KSR2: variants seen among roughly 807,000 people sequenced by gnomAD.
KSR2 encodes the protein kinase suppressor of ras 2.
A neutral mutation model predicts 107.8 loss-of-function variants in KSR2; 25 were observed. That is an observed-to-expected ratio of 0.23 (90% CI 0.17 to 0.32). The LOEUF (loss-of-function observed/expected upper bound fraction) is 0.32. KSR2 is among the 10% of genes least tolerant of loss of function. The pLI is 1.00. For synonymous variants in KSR2, 480 were observed against 507.0 expected, an observed-to-expected ratio of 0.95 and a Z score of 0.71; for missense variants, 887 against 1,268.9, an observed-to-expected ratio of 0.70 and a Z score of 4.57.
intron 5 of KSR2, among the ~76,000 whole-genome samples, chr12:117,619,496 A>G (rs147315664): frequency 6.6e-6 from 1 of 152,014 alleles, no homozygotes; most frequent in Non-Finnish European, 1.5e-5. Flanking sequence ...TTTGCTGAGA[A>G]TGATGGCTTC....
intron 4 of KSR2, among the ~76,000 whole-genome samples, chr12:117,731,538 C>T (rs1273212448): frequency 1.3e-5 from 2 of 152,216 alleles, no homozygotes; most frequent in Non-Finnish European, 2.9e-5. Context: ...GGGAGGGGTA[C>T]CCAACAGCTC....
chr12:117,756,406 C>A (rs556331092), intron 4 of KSR2, among the ~76,000 whole-genome samples: 9 of 152,290 alleles, frequency 5.9e-5, no homozygotes, highest in African/African-American at 1.9e-4. Flanking sequence ...TACGCTAAAT[C>A]TACTCTGCCC....
chr12:117,940,573 T>C (rs757670066), intron 1 of KSR2, among the ~76,000 whole-genome samples: 1 of 152,194 alleles, frequency 6.6e-6, no homozygotes. Context: ...TTCACAAACA[T>C]AATGTATAAA....
At chr12:117,547,172 A>T (rs1565894463) in intron 9 of KSR2, among the ~76,000 whole-genome samples, 1 of 152,182 alleles carries the variant, frequency 6.6e-6, no homozygotes, top group South Asian at 2.1e-4. Context: ...AAGGGGAGGT[A>T]CTGCCTTGCT....
intron 4 of KSR2, among the ~76,000 whole-genome samples, chr12:117,695,689 C>T (rs544411259): frequency 1.7e-4 from 25 of 145,928 alleles, no homozygotes; most frequent in African/African-American, 3.8e-4. Flanking sequence ...CCAGCCTGGG[C>T]GACAAAGTGA....
At chr12:117,780,917 C>T (rs986421540) in intron 3 of KSR2, among the ~76,000 whole-genome samples, 1 of 152,142 alleles carries the variant, frequency 6.6e-6, no homozygotes, top group Non-Finnish European at 1.5e-5. Context: ...CTGAGGGTTA[C>T]GGAGAGGTTT....
intron 3 of KSR2, among the ~76,000 whole-genome samples, chr12:117,848,850 A>AACAACGG (rs1555249552): frequency 2.3e-5 from 2 of 87,044 alleles, no homozygotes; most frequent in Non-Finnish European, 6.1e-5. Flanking sequence ...GGTGATGGTG[A>AACAACGG]TGATGGTGAT....
At chr12:117,844,990 G>C (rs976484950) in intron 3 of KSR2, among the ~76,000 whole-genome samples, 1 of 152,010 alleles carries the variant, frequency 6.6e-6, no homozygotes, top group Non-Finnish European at 1.5e-5. Context: ...ACTAAAAATA[G>C]AAAAAATTAG....
At chr12:117,931,258 C>T (rs1024035481) in intron 1 of KSR2, among the ~76,000 whole-genome samples, 4 of 152,142 alleles carry the variant, frequency 2.6e-5, no homozygotes, top group Non-Finnish European at 4.4e-5. Flanking sequence ...GCCCAGTCCA[C>T]GCCCTGTTCC....
chr12:117,694,232 A>G (rs902300296), intron 4 of KSR2, among the ~76,000 whole-genome samples: 4 of 152,204 alleles, frequency 2.6e-5, no homozygotes, highest in African/African-American at 9.6e-5. Context: ...TAATCCCCAC[A>G]GGTCAAGGGC....
intron 1 of KSR2, among the ~76,000 whole-genome samples, chr12:117,901,927 A>T (rs1243267835): frequency 6.6e-6 from 1 of 152,192 alleles, no homozygotes; most frequent in Non-Finnish European, 1.5e-5. Flanking sequence ...ATATTTTAAT[A>T]GGTATACAGA....
At chr12:117,901,360 T>C (rs1894679296) in intron 1 of KSR2, among the ~76,000 whole-genome samples, 1 of 151,636 alleles carries the variant, frequency 6.6e-6, no homozygotes, top group Non-Finnish European at 1.5e-5. Context: ...CGGAGTGCAG[T>C]GGTGCAATCT....
rs1013931785 is a variant in KSR2, at chr12:117,761,305, G to A, written c.692C>T (p.Ala231Val). ...CGGGGGCGGGCACAAGCCCGGGTAG[G>A]CGTCCACGGTAAGCCTGTCCACGTG... ...YTHVDRLTVD[A>V]YPGLCPPPPL... Residue 231 changes from alanine (A) to valine (V), a missense_variant, in exon 4 of 20, where the codon GCC (alanine) becomes GTC (valine). Around this residue, in one of 8 missense-constraint regions of KSR2, gnomAD observed 399 missense variants for 479.5 expected, o/e 0.83. Transcript: ENST00000339824. 1 of 1,525,260 alleles carries A rather than the reference G, an allele frequency of 6.6e-7. No homozygotes were observed. The highest frequency in any genetic ancestry group is 1.4e-5 in the African/African-American group (1 of 71,820). The allele number at this position is 1,525,260 out of a possible 1,614,324, so 94.5% of individuals were successfully genotyped here.
At chr12:117,699,116 C>T (rs1886198297) in intron 4 of KSR2, among the ~76,000 whole-genome samples, 1 of 152,164 alleles carries the variant, frequency 6.6e-6, no homozygotes, top group South Asian at 2.1e-4. Flanking sequence ...GGTTTATGTG[C>T]CTTTTGTCTA....
chr12:117,455,651 A>G lies in KSR2; in HGVS notation c.*11548T>C, dbSNP rs2137086383. ...TAACAAATATTTACTAAATGACTAT[A>G]TAAAATGAAGATTTGGGGAATGAAG... On this transcript the variant is annotated 3_prime_UTR_variant, in exon 20 of 20. Transcript: ENST00000339824. 6.6e-6 allele frequency: 1 copy of G among 152,382 alleles called. No homozygotes were observed. The highest frequency in any genetic ancestry group is 3.4e-3 in the Middle Eastern group (1 of 294). The allele number at this position is 152,382 out of a possible 1,614,324, so 9.4% of individuals were successfully genotyped here.
At chr12:117,895,703 A>G (rs1037512142) in intron 1 of KSR2, among the ~76,000 whole-genome samples, 1 of 152,234 alleles carries the variant, frequency 6.6e-6, no homozygotes, top group Non-Finnish European at 1.5e-5. Flanking sequence ...TAGAGTTATC[A>G]TATGACCTAG....
At position 117,855,556 on chromosome 12, in the gene KSR2, C is replaced by G; in HGVS notation, c.344G>C (p.Ser115Thr). The G allele has an allele frequency of 1.2e-6, 2 of 1,614,036 alleles. No homozygotes were observed. The highest frequency in any genetic ancestry group is 1.7e-6 in the Non-Finnish European group (2 of 1,179,900). ...CGTCATCTCCAAGAGGTCCTCCAGGCTCAGCTGGCCGGGGGAGATTTCCTA... is the reference window on the plus strand; with the variant it reads ...CGTCATCTCCAAGAGGTCCTCCAGGGTCAGCTGGCCGGGGGAGATTTCCTA... ...VLEEISPGQL[S>T]LEDLLEMTDE... The change falls in exon 3 of 20, where the codon AGC becomes ACC. Residue 115 changes from serine to threonine, a missense_variant. This residue lies in a region of KSR2 where 399 missense variants were observed against 479.5 expected (regional missense o/e 0.83). Coordinates refer to ENST00000339824, the MANE Select transcript of KSR2 (RefSeq NM_173598.6).
chr12:117,649,480 G>A (rs547218435), intron 5 of KSR2, among the ~76,000 whole-genome samples: 37 of 152,276 alleles, frequency 2.4e-4, no homozygotes, highest in Non-Finnish European at 4.1e-4. Flanking sequence ...CTTAGGTACT[G>A]CTTCCTTTGC....
chr12:117,832,948 C>T (rs1566037877), intron 3 of KSR2, among the ~76,000 whole-genome samples: 2 of 152,226 alleles, frequency 1.3e-5, no homozygotes, highest in African/African-American at 4.8e-5. Context: ...GTGGCATGAC[C>T]CTGGCCAAGT....
Sources: gnomAD v4.1 joint callset for allele counts (sites outside exome capture counted in the v4.1 genomes callset) on GRCh38, gnomAD v4.1.1 for gene constraint, gnomAD v4.1.1 regional missense constraint, MANE v1.5 for transcripts, NCBI Gene and HGNC (gene_info 2026-07-23, HGNC 2026-07-21) for gene names.